Variants in GLRA2 observed in about 807,000 individuals in gnomAD.
GLRA2 encodes the protein glycine receptor subunit alpha-2.
A neutral mutation model predicts 31.6 loss-of-function variants in GLRA2; 11 were observed. That is an observed-to-expected ratio of 0.35 (90% CI 0.22 to 0.58). The LOEUF (loss-of-function observed/expected upper bound fraction) is 0.58, where lower values mean the gene tolerates loss of function less well. GLRA2 is among the 20% of genes least tolerant of loss of function. GLRA2 has a pLI of 0.84. For synonymous variants in GLRA2, 132 were observed against 134.0 expected (o/e 0.99, Z 0.10); for missense variants, 212 against 351.8 (o/e 0.60, Z 3.18).
At chrX:14,549,904 G>A (rs2089533510) in intron 2 of GLRA2, among the ~76,000 whole-genome samples, 1 of 111,623 alleles carries the variant, frequency 9.0e-6, no homozygotes, top group South Asian at 3.8e-4. Context: ...GACTCAACAA[G>A]GGATACAGAG....
intron 2 of GLRA2, among the ~76,000 whole-genome samples, chrX:14,539,196 AGTTT>A (rs2089367038): frequency 9.0e-6 from 1 of 110,750 alleles, no homozygotes; most frequent in Non-Finnish European, 1.9e-5. Flanking sequence ...ATAAGTCATT[AGTTT>A]GTTCTTGATG....
the GLRA2 span, among the ~76,000 whole-genome samples, chrX:14,470,704 T>C: frequency 4.5e-5 from 5 of 112,141 alleles, no homozygotes; most frequent in Admixed American, 3.8e-4. Flanking sequence ...CAAATTGTTA[T>C]GAACTCTTCC....
At chrX:14,527,245 A>G (rs1309389691), upstream of GLRA2, among the ~76,000 whole-genome samples, 2 of 111,679 alleles carry the variant, frequency 1.8e-5, no homozygotes, top group Non-Finnish European at 3.8e-5. Flanking sequence ...CTGTGATTTC[A>G]TGCTGCTGGC....
At chrX:14,678,623 G>A (rs55648925) in intron 7 of GLRA2, among the ~76,000 whole-genome samples, 214 of 109,289 alleles carry the variant, frequency 2.0e-3, no homozygotes, top group Non-Finnish European at 3.1e-3. Context: ...TAAGAAGGAG[G>A]TGGCATTTAA....
At chrX:14,653,942 T>C (rs2090914964) in intron 7 of GLRA2, among the ~76,000 whole-genome samples, 2 of 111,686 alleles carry the variant, frequency 1.8e-5, no homozygotes, top group Non-Finnish European at 3.8e-5. Context: ...CTGGGCAACA[T>C]AGCAAGACTG....
At chrX:14,718,104 C>T (rs1257017334) in intron 8 of GLRA2, among the ~76,000 whole-genome samples, 1 of 110,833 alleles carries the variant, frequency 9.0e-6, no homozygotes, top group Non-Finnish European at 1.9e-5. Context: ...GCTAGTTCTT[C>T]AGGGATATGA....
chrX:14,552,006 T>C (rs1158408328), intron 2 of GLRA2, among the ~76,000 whole-genome samples: 2 of 112,258 alleles, frequency 1.8e-5, no homozygotes, highest in Admixed American at 9.5e-5. Context: ...TATGTACAAA[T>C]TCAAGTTAAC....
At chrX:14,457,855 G>A in the GLRA2 span, among the ~76,000 whole-genome samples, 1 of 109,682 alleles carries the variant, frequency 9.1e-6, no homozygotes, top group Non-Finnish European at 1.9e-5. Flanking sequence ...AACCTCTCCA[G>A]CATCTGTCGT....
At chrX:14,704,081 A>G (rs1050485101) in intron 8 of GLRA2, among the ~76,000 whole-genome samples, 4 of 111,818 alleles carry the variant, frequency 3.6e-5, no homozygotes, top group Non-Finnish European at 7.5e-5. Flanking sequence ...ACTAAACACC[A>G]GATTCTGGAG....
intron 7 of GLRA2, among the ~76,000 whole-genome samples, chrX:14,614,133 T>G (rs1037476440): frequency 5.4e-5 from 6 of 111,408 alleles, no homozygotes; most frequent in African/African-American, 2.0e-4. Context: ...TCCTTCACAG[T>G]TCCTCCCCTG....
chrX:14,452,762 G>A, the GLRA2 span, among the ~76,000 whole-genome samples: 2 of 112,218 alleles, frequency 1.8e-5, no homozygotes, highest in East Asian at 5.6e-4. Flanking sequence ...AGTGATAAGA[G>A]TATGCAGGTA....
chrX:14,454,216 A>G, the GLRA2 span, among the ~76,000 whole-genome samples: 1 of 108,352 alleles, frequency 9.2e-6, no homozygotes, highest in African/African-American at 3.3e-5. Flanking sequence ...ACACACACAC[A>G]CACACGCACA....
intron 7 of GLRA2, among the ~76,000 whole-genome samples, chrX:14,635,563 C>A (rs1206349063): frequency 2.7e-5 from 3 of 111,504 alleles, no homozygotes; most frequent in Non-Finnish European, 3.8e-5. Context: ...TAGTAATGTT[C>A]TTTTGTTAGT....
At chrX:14,653,886 A>G (rs1263584838) in intron 7 of GLRA2, among the ~76,000 whole-genome samples, 2 of 112,239 alleles carry the variant, frequency 1.8e-5, no homozygotes, top group African/African-American at 3.2e-5. Context: ...GCGAATTGGG[A>G]GGCTAAGTAG....
chrX:14,716,111 G>T (rs940447173), intron 8 of GLRA2, among the ~76,000 whole-genome samples: 1 of 111,127 alleles, frequency 9.0e-6, no homozygotes, highest in Non-Finnish European at 1.9e-5. Flanking sequence ...GGGGTTGAAA[G>T]AAGACAATAA....
At chrX:14,548,926 C>CA (rs752553166) in intron 2 of GLRA2, among the ~76,000 whole-genome samples, 354 of 66,805 alleles carry the variant, frequency 5.3e-3, no homozygotes, top group Non-Finnish European at 8.4e-3. Flanking sequence ...TCCAGCTTTA[C>CA]AAAAAAATTG....
At chrX:14,696,440 G>A (rs958880882) in intron 8 of GLRA2, among the ~76,000 whole-genome samples, 1 of 111,720 alleles carries the variant, frequency 9.0e-6, no homozygotes, top group African/African-American at 3.3e-5. Flanking sequence ...GACTAAGGTT[G>A]GGTTGAGAAA....
At chrX:14,663,366 C>T (rs917142983) in intron 7 of GLRA2, among the ~76,000 whole-genome samples, 10 of 111,031 alleles carry the variant, frequency 9.0e-5, no homozygotes, top group African/African-American at 2.9e-4. Context: ...AGATTCCAGG[C>T]GCAGATGGAT....
intron 7 of GLRA2, among the ~76,000 whole-genome samples, chrX:14,656,719 T>C (rs1036465766): frequency 8.9e-6 from 1 of 112,232 alleles, no homozygotes; most frequent in Admixed American, 9.5e-5. Flanking sequence ...ACTGAGGAGA[T>C]AGTGGTCAAC....
Sources: allele counts gnomAD v4.1 joint callset (sites outside exome capture counted in the v4.1 genomes callset), GRCh38; gene constraint gnomAD v4.1.1; transcripts MANE v1.5; gene names NCBI Gene and HGNC (gene_info 2026-07-23, HGNC 2026-07-21).